The following PACS2 variants were observed in gnomAD, a reference collection of about 807,000 sequenced individuals.
The protein encoded by PACS2 is phosphofurin acidic cluster sorting protein 2, also known as PACS1-like protein.
A neutral mutation model predicts 113.0 loss-of-function variants in PACS2; 36 were observed. That is an observed-to-expected ratio of 0.32 (90% confidence interval 0.24 to 0.42). The LOEUF (loss-of-function observed/expected upper bound fraction) is 0.42. PACS2 is among the 10% of genes least tolerant of loss of function. The probability of loss-of-function intolerance (pLI) is 1.00; values close to 1 mark genes in which losing one functional copy is unlikely to be tolerated. For missense variants in PACS2, 1,015 were observed against 1,239.5 expected, an observed-to-expected ratio of 0.82 and a Z score of 2.72; for synonymous variants, 589 against 536.1, an observed-to-expected ratio of 1.10 and a Z score of -1.36.
intron 1 of PACS2, among the ~76,000 whole-genome samples, chr14:105,316,540 C>T (rs1425587904): frequency 6.6e-6 from 1 of 152,242 alleles, no homozygotes; most frequent in Admixed American, 6.5e-5. Flanking sequence ...TGCTGAACCT[C>T]TGCAGCAGCT....
intron 22 of PACS2, chr14:105,392,268 G>C (rs1004960463): frequency 5.6e-6 from 2 of 357,362 alleles, no homozygotes; most frequent in South Asian, 3.1e-5. Context: ...ATACCCCCCC[G>C]ACCCCCCTGC....
intron 1 of PACS2, among the ~76,000 whole-genome samples, chr14:105,331,369 A>C (rs57000673): frequency 0.14 from 20,611 of 152,068 alleles, 4,715 homozygotes; most frequent in African/African-American, 0.47. Flanking sequence ...TCCTCTCCTA[A>C]GTTTTGTTAT....
At chr14:105,352,134 C>A (rs1357170652) in intron 2 of PACS2, among the ~76,000 whole-genome samples, 2 of 152,210 alleles carry the variant, frequency 1.3e-5, no homozygotes, top group African/African-American at 4.8e-5. Flanking sequence ...CTCCTGGTTT[C>A]TCTCTCATGT....
intron 2 of PACS2, among the ~76,000 whole-genome samples, chr14:105,350,420 C>T (rs2060124921): frequency 6.6e-6 from 1 of 152,214 alleles, no homozygotes; most frequent in African/African-American, 2.4e-5. Flanking sequence ...TGTCTCTGGT[C>T]CTGCCCCAGC....
At chr14:105,381,861 C>T (rs1382996417) in intron 12 of PACS2, 53 bp from the exon 13 acceptor site, 5 of 1,502,542 alleles carry the variant, frequency 3.3e-6, no homozygotes, top group Non-Finnish European at 4.5e-6. Flanking sequence ...TGCCTCTGCC[C>T]CTGTTCCTGT....
chr14:105,326,133 A>G (rs2059094323), intron 1 of PACS2, among the ~76,000 whole-genome samples: 1 of 152,218 alleles, frequency 6.6e-6, no homozygotes, highest in South Asian at 2.1e-4. Flanking sequence ...TTTCATGGGC[A>G]TTGCATGCTG....
intron 8 of PACS2, among the ~76,000 whole-genome samples, chr14:105,375,455 G>A (rs1359982703): frequency 1.4e-5 from 2 of 137,958 alleles, no homozygotes; most frequent in Middle Eastern, 3.8e-3. Context: ...TCCAGCCTGG[G>A]CAACAGACAG....
At chr14:105,314,478 C>A (rs1237568829), upstream of PACS2, 1 of 147,972 alleles carries the variant, frequency 6.8e-6, no homozygotes, top group East Asian at 2.0e-4. Flanking sequence ...CGGGGCGCCC[C>A]GGGCGGGGTC....
chr14:105,333,467 T>G (rs1216235235), intron 1 of PACS2, among the ~76,000 whole-genome samples: 1 of 152,334 alleles, frequency 6.6e-6, no homozygotes, highest in South Asian at 2.1e-4. Context: ...CCTGTCCTGC[T>G]GGGGGCACAG....
chr14:105,378,294 C>T (rs1363425020), intron 9 of PACS2, among the ~76,000 whole-genome samples: 1 of 152,190 alleles, frequency 6.6e-6, no homozygotes, highest in Non-Finnish European at 1.5e-5. Flanking sequence ...GAGGCGTGTG[C>T]GTCTCGGGGC....
At chr14:105,301,531 C>T (rs891413617) in intron 1 of PACS2, among the ~76,000 whole-genome samples, 1 of 152,152 alleles carries the variant, frequency 6.6e-6, no homozygotes, top group Non-Finnish European at 1.5e-5. Flanking sequence ...GGCAGCTGCG[C>T]TGGGGGGCCT....
intron 1 of PACS2, among the ~76,000 whole-genome samples, chr14:105,318,573 C>T (rs1190329262): frequency 6.6e-6 from 1 of 152,020 alleles, no homozygotes; most frequent in Non-Finnish European, 1.5e-5. Context: ...CCTCAGCCTC[C>T]CAAGTAGCTA....
intron 2 of PACS2, among the ~76,000 whole-genome samples, chr14:105,350,522 C>T (rs1016348807): frequency 2.0e-5 from 3 of 152,180 alleles, no homozygotes; most frequent in Non-Finnish European, 4.4e-5. Context: ...TGCCCATGCC[C>T]TCCCTGCCCA....
At chr14:105,308,374 C>T (rs955020392) in intron 1 of PACS2, among the ~76,000 whole-genome samples, 3 of 151,062 alleles carry the variant, frequency 2.0e-5, no homozygotes, top group Non-Finnish European at 2.9e-5. Flanking sequence ...CCCAGCTACT[C>T]GGGAGGCTGA....
intron 2 of PACS2, among the ~76,000 whole-genome samples, chr14:105,349,836 A>AGAGC (rs2060088171): frequency 1.4e-5 from 2 of 143,790 alleles, no homozygotes; most frequent in African/African-American, 6.0e-5. Flanking sequence ...AACTTCCAGG[A>AGAGC]GTGCGTGGCT....
Position 105,394,905 on chromosome 14 carries a change from C to T in PACS2, c.*233C>T, listed in dbSNP as rs1320378078. On this transcript the variant is annotated 3_prime_UTR_variant, in exon 25 of 25. Coordinates refer to ENST00000447393, the MANE Select transcript of PACS2 (RefSeq NM_001100913.3). ...GCCCGGGGCTGGGAAGCCAGAAGGA[C>T]GATGCTGAGCCATGGATCGCGGAAG... 1.6e-5 allele frequency: 8 copies of T among 501,118 alleles called. No individual in the cohort carries two copies. The highest frequency in any genetic ancestry group is 3.6e-5 in the East Asian group (1 of 28,156). The allele number at this position is 501,118 out of a possible 1,614,324, so 31.0% of individuals were successfully genotyped here. A position where few individuals can be genotyped will look rare whatever the true frequency, so the allele number is the denominator to read the frequency against.
chr14:105,387,143 C>T (rs913593183), intron 19 of PACS2, among the ~76,000 whole-genome samples: 1 of 152,182 alleles, frequency 6.6e-6, no homozygotes, highest in African/African-American at 2.4e-5. Context: ...CAGCAAAGGC[C>T]ATAAGTGTCT....
intron 1 of PACS2, among the ~76,000 whole-genome samples, chr14:105,335,967 G>A (rs2059502239): frequency 2.0e-5 from 3 of 152,226 alleles, no homozygotes; most frequent in Non-Finnish European, 2.9e-5. Context: ...GGCACCTGGA[G>A]CCTGGGGATG....
intron 19 of PACS2, among the ~76,000 whole-genome samples, chr14:105,386,139 G>A (rs1217400353): frequency 1.3e-5 from 2 of 152,244 alleles, no homozygotes; most frequent in Non-Finnish European, 2.9e-5. Context: ...CGAGTGGCTG[G>A]TGTGGACACC....
Sources: gnomAD v4.1 joint callset for allele counts (sites outside exome capture counted in the v4.1 genomes callset) on GRCh38, gnomAD v4.1.1 for gene constraint, MANE v1.5 for transcripts, NCBI Gene and HGNC (gene_info 2026-07-23, HGNC 2026-07-21) for gene names.